Variants in ANKS1B observed in about 807,000 individuals in gnomAD.
ANKS1B encodes ankyrin repeat and sterile alpha motif domain-containing protein 1B.
A neutral mutation model predicts 148.3 loss-of-function variants in ANKS1B; 36 were observed. The ratio of observed to expected loss-of-function variants is 0.24; its 90% CI spans 0.19 to 0.32. The LOEUF is 0.32. Among genes scored for constraint, ANKS1B ranks in the 10% least tolerant of loss-of-function variants. The pLI is 1.00. For missense variants in ANKS1B, 1,157 were observed against 1,542.6 expected, an observed-to-expected ratio of 0.75 and a Z score of 4.19; for synonymous variants, 542 against 560.8, an observed-to-expected ratio of 0.97 and a Z score of 0.47.
intron 12 of ANKS1B, among the ~76,000 whole-genome samples, chr12:99,272,284 T>C (rs1209376347): frequency 6.6e-6 from 1 of 152,148 alleles, no homozygotes; most frequent in Non-Finnish European, 1.5e-5. Flanking sequence ...TTAGACATAA[T>C]AGATTAAGGC....
At chr12:99,495,227 CA>C (rs1214243829) in intron 10 of ANKS1B, among the ~76,000 whole-genome samples, 1 of 152,104 alleles carries the variant, frequency 6.6e-6, no homozygotes, top group Non-Finnish European at 1.5e-5. Context: ...CCTATATTCC[CA>C]CATCATCAAA....
At chr12:99,488,417 T>C (rs574634020) in intron 10 of ANKS1B, among the ~76,000 whole-genome samples, 1 of 152,288 alleles carries the variant, frequency 6.6e-6, no homozygotes, top group East Asian at 1.9e-4. Flanking sequence ...ATTCTTTTAG[T>C]CTTCATTATT....
At chr12:99,906,790 C>T (rs1317628737) in intron 1 of ANKS1B, among the ~76,000 whole-genome samples, 1 of 152,156 alleles carries the variant, frequency 6.6e-6, no homozygotes, top group Admixed American at 6.5e-5. Context: ...TATTCTATCT[C>T]TGCCTTCCAT....
At chr12:99,669,024 T>C (rs2098523731) in intron 8 of ANKS1B, among the ~76,000 whole-genome samples, 1 of 152,194 alleles carries the variant, frequency 6.6e-6, no homozygotes, top group Admixed American at 6.5e-5. Context: ...ATGTCACCTC[T>C]TCCTTTAAAC....
chr12:99,796,523 C>G (rs1602334451), intron 4 of ANKS1B, among the ~76,000 whole-genome samples: 1 of 151,866 alleles, frequency 6.6e-6, no homozygotes. Context: ...CCAGTGGCAG[C>G]TTGGCTTTTA....
intron 22 of ANKS1B, among the ~76,000 whole-genome samples, chr12:98,786,674 C>T (rs1304747048): frequency 3.9e-5 from 6 of 152,112 alleles, no homozygotes; most frequent in African/African-American, 1.4e-4. Context: ...TTTCCGAGCA[C>T]GAATGAAAGC....
intron 17 of ANKS1B, among the ~76,000 whole-genome samples, chr12:99,050,296 T>C (rs577194071): frequency 6.6e-6 from 1 of 152,306 alleles, no homozygotes; most frequent in South Asian, 2.1e-4. Flanking sequence ...AACCATCACA[T>C]GAACTACCCA....
chr12:98,782,898 C>G (rs571060272), intron 22 of ANKS1B, among the ~76,000 whole-genome samples: 1 of 152,298 alleles, frequency 6.6e-6, no homozygotes, highest in East Asian at 1.9e-4. Flanking sequence ...CCAACCACTT[C>G]TTAAAAATGT....
In ANKS1B at chr12:99,084,851, A is replaced by AT. The variant is rs1419654457; in HGVS notation, c.2625+73dup. The stretch of plus-strand genomic sequence containing the variant: ...TGTAGAACTACTGTACTAAATACAA[A>AT]TACTCCTTGCATGCCTGGACTCAAA... On this transcript the variant is annotated intron_variant, in intron 16 of 26. Transcript: ENST00000683438. The AT allele has an allele frequency of 5.9e-6, 7 of 1,191,868 alleles. No individual in the cohort carries two copies. In the African/African-American group the frequency reaches 1.1e-4, roughly 18 times the overall value. 73.8% of individuals were successfully genotyped at this position (1,191,868 alleles called of 1,614,324 possible).
chr12:99,599,707 G>A lies in ANKS1B; in HGVS notation c.1272+55360C>T, dbSNP rs564412787. ...AGTTTTGGGCAACTGGGTGGATAGTGGGGATAACTGTGAATAGGAAATACC... is the reference window on the plus strand; with the variant it reads ...AGTTTTGGGCAACTGGGTGGATAGTAGGGATAACTGTGAATAGGAAATACC... On this transcript the variant is annotated intron_variant, in intron 9 of 26. Coordinates refer to ENST00000683438, the MANE Select transcript of ANKS1B (RefSeq NM_001352186.2). Among the ~76,000 whole-genome samples, 61 of 152,084 alleles carry A rather than the reference G, an allele frequency of 4.0e-4. 1 individual carries two copies. The South Asian group carries it at 9.3e-3, about 23-fold the overall frequency.
At chr12:99,062,911 G>A (rs7306078) in intron 16 of ANKS1B, among the ~76,000 whole-genome samples, 96,774 of 151,872 alleles carry the variant, frequency 0.64, 31,053 homozygotes, top group East Asian at 0.8. Context: ...TAACTTCAGG[G>A]TGAATACTCT....
At chr12:99,422,054 A>G (rs2095103495) in intron 11 of ANKS1B, among the ~76,000 whole-genome samples, 1 of 152,200 alleles carries the variant, frequency 6.6e-6, no homozygotes. Flanking sequence ...ATGCTTGCAC[A>G]GCCTGCAGAA....
At chr12:98,996,453 C>G (rs2099929646) in intron 17 of ANKS1B, among the ~76,000 whole-genome samples, 2 of 152,068 alleles carry the variant, frequency 1.3e-5, no homozygotes, top group African/African-American at 4.8e-5. Context: ...GTCTATCCAC[C>G]CAGATTCTTC....
intron 11 of ANKS1B, among the ~76,000 whole-genome samples, chr12:99,428,676 C>T (rs746311906): frequency 1.3e-5 from 2 of 152,042 alleles, no homozygotes; most frequent in African/African-American, 2.4e-5. Flanking sequence ...ACGTACTATG[C>T]TTATATACAA....
At chr12:99,664,635 C>G (rs1322681098) in intron 8 of ANKS1B, among the ~76,000 whole-genome samples, 1 of 152,096 alleles carries the variant, frequency 6.6e-6, no homozygotes, top group Non-Finnish European at 1.5e-5. Flanking sequence ...CATACCTGTG[C>G]ATTCACCACC....
intron 12 of ANKS1B, among the ~76,000 whole-genome samples, chr12:99,327,274 T>G (rs1290663539): frequency 8.6e-6 from 1 of 116,222 alleles, no homozygotes; most frequent in African/African-American, 3.7e-5. Flanking sequence ...TAATTATAAT[T>G]TATTATAATT....
chr12:99,656,798 T>C (rs1244788834), intron 8 of ANKS1B, among the ~76,000 whole-genome samples: 2 of 152,104 alleles, frequency 1.3e-5, no homozygotes, highest in Non-Finnish European at 2.9e-5. Flanking sequence ...ATACACTAAA[T>C]TGTCTAAAGG....
intron 9 of ANKS1B, among the ~76,000 whole-genome samples, chr12:99,542,435 A>C (rs1162599847): frequency 6.6e-6 from 1 of 152,160 alleles, no homozygotes; most frequent in Non-Finnish European, 1.5e-5. Context: ...AAGACATTGC[A>C]TGGTCATGGG....
chr12:99,581,897 C>CAAAAAAAAAAAAAA (rs369048602), intron 9 of ANKS1B, among the ~76,000 whole-genome samples: 2 of 60,750 alleles, frequency 3.3e-5, no homozygotes, highest in African/African-American at 5.8e-5. Flanking sequence ...GACTCCGTCT[C>CAAAAAAAAAAAAAA]AAAAAAAAAA....
Sources: gnomAD v4.1 joint callset for allele counts (sites outside exome capture counted in the v4.1 genomes callset) on GRCh38, gnomAD v4.1.1 for gene constraint, MANE v1.5 for transcripts, NCBI Gene and HGNC (gene_info 2026-07-23, HGNC 2026-07-21) for gene names.